FGD6: variants seen among roughly 807,000 people sequenced by gnomAD.
FGD6 encodes the protein FYVE, RhoGEF and PH domain containing 6, also known as FYVE, RhoGEF and PH domain-containing protein 6.
In FGD6, 90 loss-of-function variants were observed where a neutral mutation model predicts 149.4. The observed-to-expected ratio is 0.60, with a 90% CI of 0.51 to 0.72. The LOEUF is 0.72. FGD6 is among the 30% of genes least tolerant of loss of function. The pLI is 0.00. For synonymous variants in FGD6, 527 were observed against 584.0 expected (o/e 0.90, Z 1.41); for missense variants, 1,437 against 1,684.8 (o/e 0.85, Z 2.57).
intron 5 of FGD6, among the ~76,000 whole-genome samples, chr12:95,149,245 TATAGCA>T (rs376556196): frequency 9.8e-5 from 2 of 20,336 alleles, no homozygotes; most frequent in African/African-American, 3.1e-4. Context: ...TTATATAATA[TATAGCA>T]TATATATTAT....
intron 8 of FGD6, among the ~76,000 whole-genome samples, chr12:95,120,636 G>A (rs535949682): frequency 1.4e-4 from 22 of 152,080 alleles, no homozygotes; most frequent in Admixed American, 7.2e-4. Flanking sequence ...GCAGTGAGCC[G>A]AGATCGCACC....
intron 5 of FGD6, among the ~76,000 whole-genome samples, chr12:95,142,907 T>C (rs1879895711): frequency 6.6e-6 from 1 of 152,162 alleles, no homozygotes; most frequent in Admixed American, 6.6e-5. Flanking sequence ...TGTTTTAATA[T>C]AGGTCAATAT....
intron 3 of FGD6, among the ~76,000 whole-genome samples, chr12:95,170,241 C>T (rs1880951401): frequency 6.6e-6 from 1 of 152,240 alleles, no homozygotes; most frequent in African/African-American, 2.4e-5. Context: ...AAAGTACCTT[C>T]CTGGGTTTGT....
chr12:95,176,379 G>A (rs1204621163), intron 2 of FGD6, among the ~76,000 whole-genome samples: 2 of 152,164 alleles, frequency 1.3e-5, no homozygotes, highest in Admixed American at 6.5e-5. Flanking sequence ...ACAGGACATA[G>A]GGCTTCCTCC....
At chr12:95,181,275 C>A (rs1409699706) in intron 2 of FGD6, among the ~76,000 whole-genome samples, 1 of 152,170 alleles carries the variant, frequency 6.6e-6, no homozygotes, top group African/African-American at 2.4e-5. Context: ...TAGGGTCCGT[C>A]TCCCATAGTT....
chr12:95,134,775 C>A lies in FGD6; in HGVS notation c.3046G>T (p.Val1016Phe). 1 of 1,613,884 alleles carries A rather than the reference C, an allele frequency of 6.2e-7. No homozygotes were observed. Among genetic ancestry groups the A allele is most frequent in the Non-Finnish European group, 8.5e-7 (1 of 1,179,918 alleles). The part of the protein sequence containing the change: ...LALKHYLLKP[V>F]QRIPQYRLLL... ...AGCCTGTACTGGGGGATCCTCTGAA[C>A]CGGCTTGAGCAGGTAGTGCTTGAGG... Residue 1016 changes from valine (V) to phenylalanine (F), a missense_variant, in exon 8 of 21, where the codon GTT (valine) becomes TTT (phenylalanine). Val to Phe is a conservative substitution (Grantham distance 50, BLOSUM62 -1). Around this residue, in one of 2 missense-constraint regions of FGD6, gnomAD observed 382 missense variants for 538.7 expected, o/e 0.71. Coordinates refer to ENST00000343958, the MANE Select transcript of FGD6 (RefSeq NM_018351.4).
chr12:95,189,206 C>G (rs1003954578), intron 2 of FGD6: 7 of 152,158 alleles, frequency 4.6e-5, no homozygotes, highest in African/African-American at 1.7e-4. Context: ...GCATAGCCAG[C>G]ACAGATATTT....
chr12:95,180,242 A>C (rs1458231162), intron 2 of FGD6, among the ~76,000 whole-genome samples: 1 of 152,104 alleles, frequency 6.6e-6, no homozygotes, highest in Non-Finnish European at 1.5e-5. Flanking sequence ...AAGTGTGTAT[A>C]TTTGTGTGTG....
chr12:95,199,413 T>A (rs567680806), intron 2 of FGD6, among the ~76,000 whole-genome samples: 1 of 152,310 alleles, frequency 6.6e-6, no homozygotes, highest in African/African-American at 2.4e-5. Flanking sequence ...CTTATTTATT[T>A]TTTTCTTACC....
chr12:95,112,379 C>T (rs1309199263), intron 9 of FGD6, among the ~76,000 whole-genome samples: 1 of 151,984 alleles, frequency 6.6e-6, no homozygotes, highest in Non-Finnish European at 1.5e-5. Flanking sequence ...GTGGGCAGAT[C>T]ACTTGAGGTC....
At chr12:95,147,922 C>T (rs1385129730) in intron 5 of FGD6, among the ~76,000 whole-genome samples, 1 of 152,098 alleles carries the variant, frequency 6.6e-6, no homozygotes, top group Non-Finnish European at 1.5e-5. Context: ...GTCACCTTCC[C>T]TCCCTCTCTC....
At chr12:95,140,954 G>A (rs945553130) in intron 6 of FGD6, among the ~76,000 whole-genome samples, 1 of 152,170 alleles carries the variant, frequency 6.6e-6, no homozygotes, top group African/African-American at 2.4e-5. Context: ...GTCAGGCATG[G>A]TGGCTCACAC....
At chr12:95,108,656 T>C (rs1878711653) in intron 9 of FGD6, 95 bp from the exon 10 acceptor site, 4 of 1,382,986 alleles carry the variant, frequency 2.9e-6, no homozygotes, top group Non-Finnish European at 4.1e-6. Context: ...GATAGCTAGT[T>C]TATAGCAACC....
rs1397015115 is a variant in FGD6, at chr12:95,094,238, C to T, written c.3600+354G>A. 2.0e-5 allele frequency among the ~76,000 whole-genome samples: 3 copies of T among 151,566 alleles called. No individual in the cohort carries two copies. The East Asian group carries it at 5.8e-4, about 29-fold the overall frequency. On this transcript the variant is annotated intron_variant, in intron 15 of 20. Transcript: ENST00000343958. ...GTGCTCGGAATACTAAGTTTAGCTACAATCTAAAAATTTTCTAATACAAAA... is the reference window on the plus strand; with the variant it reads ...GTGCTCGGAATACTAAGTTTAGCTATAATCTAAAAATTTTCTAATACAAAA...
chr12:95,196,472 C>T (rs991823806), intron 2 of FGD6, among the ~76,000 whole-genome samples: 3 of 152,000 alleles, frequency 2.0e-5, no homozygotes, highest in African/African-American at 4.8e-5. Flanking sequence ...CCTCGTGATC[C>T]ACCCACCTTA....
intron 10 of FGD6, 40 bp downstream of exon 10, chr12:95,108,463 G>C (rs373925063): frequency 1.9e-6 from 3 of 1,613,756 alleles, no homozygotes; most frequent in African/African-American, 1.3e-5. Flanking sequence ...TGGGCTTTCA[G>C]GTTCAAGACC....
At chr12:95,185,218 A>G (rs559801689) in intron 2 of FGD6, among the ~76,000 whole-genome samples, 2 of 152,296 alleles carry the variant, frequency 1.3e-5, no homozygotes, top group South Asian at 2.1e-4. Flanking sequence ...CACCAGTTAC[A>G]TTGCTGACTA....
chr12:95,191,278 A>G lies in FGD6; in HGVS notation c.2441+17565T>C, dbSNP rs79442187. ...CATCCCACAATACGGAAGGATGCTCACCATGTATCTAATAAAGACAGATGC... is the reference window on the plus strand; with the variant it reads ...CATCCCACAATACGGAAGGATGCTCGCCATGTATCTAATAAAGACAGATGC... On this transcript the variant is annotated intron_variant, in intron 2 of 20. Coordinates refer to ENST00000343958, the MANE Select transcript of FGD6 (RefSeq NM_018351.4). Among the ~76,000 whole-genome samples, 788 of 152,364 alleles carry G rather than the reference A, an allele frequency of 5.2e-3. 8 individuals carry two copies. Among genetic ancestry groups the G allele is most frequent in the Middle Eastern group, 0.02 (6 of 294 alleles).
At chr12:95,093,589 T>C (rs1366915282) in intron 15 of FGD6, among the ~76,000 whole-genome samples, 1 of 151,560 alleles carries the variant, frequency 6.6e-6, no homozygotes, top group Non-Finnish European at 1.5e-5. Context: ...AGCAGGAGAA[T>C]TGCTTGAACC....
Sources: allele counts gnomAD v4.1 joint callset (sites outside exome capture counted in the v4.1 genomes callset), GRCh38; gene constraint gnomAD v4.1.1; regional missense constraint gnomAD v4.1.1; transcripts MANE v1.5; gene names NCBI Gene and HGNC (gene_info 2026-07-23, HGNC 2026-07-21).